Variants in NRF1 observed in about 807,000 individuals in gnomAD.
NRF1 encodes nuclear respiratory factor 1.
NRF1 carries 5 observed loss-of-function variants against 58.5 expected under a neutral mutation model. The observed-to-expected ratio is 0.09, with a 90% CI of 0.04 to 0.18. The LOEUF (loss-of-function observed/expected upper bound fraction) is 0.18, where lower values mean the gene tolerates loss of function less well. NRF1 is among the 10% of genes least tolerant of loss of function. The pLI is 1.00. For missense variants in NRF1, 288 were observed against 657.7 expected, an observed-to-expected ratio of 0.44 and a Z score of 6.15; for synonymous variants, 224 against 246.7, an observed-to-expected ratio of 0.91 and a Z score of 0.86.
Position 129,634,041 on chromosome 7 carries a change from A to AAT in NRF1, c.-7+22218_-7+22219insTA, listed in dbSNP as rs1163693215. On this transcript the variant is annotated intron_variant, in intron 1 of 10. Transcript: ENST00000393232. ...TTACATCTGTATTTAAAAAAAAAAA[A>AAT]AGATATATATATATATATATACACA... Among the ~76,000 whole-genome samples, 248 of 113,776 alleles carry AAT rather than the reference A, an allele frequency of 2.2e-3. 1 individual carries two copies. Among genetic ancestry groups the AAT allele is most frequent in the African/African-American group, 6.4e-3 (170 of 26,576 alleles). The allele number at this position is 113,776 out of a possible 152,430, so 74.6% of individuals were successfully genotyped here. A position where few individuals can be genotyped will look rare whatever the true frequency, so the allele number is the denominator to read the frequency against.
At chr7:129,697,729 TTTTTTG>T (rs112573096) in intron 5 of NRF1, among the ~76,000 whole-genome samples, 14 of 150,350 alleles carry the variant, frequency 9.3e-5, no homozygotes, top group Admixed American at 3.3e-4. Flanking sequence ...AACATTTACT[TTTTTTG>T]TTTTTGTTTT....
intron 10 of NRF1, among the ~76,000 whole-genome samples, chr7:129,729,521 T>A (rs1322914425): frequency 6.6e-6 from 1 of 152,252 alleles, no homozygotes; most frequent in Non-Finnish European, 1.5e-5. Flanking sequence ...TATCTCTTTC[T>A]GAATGCAGCA....
At chr7:129,681,767 C>T (rs1210532560) in intron 4 of NRF1, among the ~76,000 whole-genome samples, 3 of 151,904 alleles carry the variant, frequency 2.0e-5, no homozygotes, top group African/African-American at 7.3e-5. Context: ...TTATCATGAA[C>T]CTTTATATTC....
intron 4 of NRF1, among the ~76,000 whole-genome samples, chr7:129,687,476 A>G (rs1802467634): frequency 6.6e-6 from 1 of 152,054 alleles, no homozygotes; most frequent in African/African-American, 2.4e-5. Flanking sequence ...GGGTTTCACC[A>G]TGTTGGTCAG....
intron 5 of NRF1, among the ~76,000 whole-genome samples, chr7:129,702,130 A>G (rs1389314107): frequency 2.0e-5 from 3 of 152,184 alleles, no homozygotes; most frequent in African/African-American, 4.8e-5. Context: ...ATACATGGCA[A>G]AGAGGACTTT....
At chr7:129,754,851 T>G (rs781051956) in intron 10 of NRF1, among the ~76,000 whole-genome samples, 167 bp from the exon 11 acceptor site, 1 of 152,054 alleles carries the variant, frequency 6.6e-6, no homozygotes, top group Non-Finnish European at 1.5e-5. Flanking sequence ...TGAAAAAAAT[T>G]TTAATGGGGT....
At chr7:129,661,321 T>C (rs1282821600) in intron 2 of NRF1, among the ~76,000 whole-genome samples, 3 of 151,410 alleles carry the variant, frequency 2.0e-5, no homozygotes, top group Non-Finnish European at 4.4e-5. Flanking sequence ...TTGTTGCTTA[T>C]GCAAATTTCT....
intron 8 of NRF1, among the ~76,000 whole-genome samples, chr7:129,712,265 C>T (rs970944239): frequency 7.2e-5 from 11 of 152,150 alleles, no homozygotes; most frequent in African/African-American, 2.4e-4. Flanking sequence ...GGCTCTGAGC[C>T]ATTGGTGAAG....
At chr7:129,619,449 T>G (rs555528823) in intron 1 of NRF1, among the ~76,000 whole-genome samples, 1 of 80,944 alleles carries the variant, frequency 1.2e-5, no homozygotes, top group Non-Finnish European at 2.1e-5. Flanking sequence ...CACACACACA[T>G]ATATATACAC....
intron 5 of NRF1, 59 bp downstream of exon 5, chr7:129,690,605 C>G: frequency 6.3e-7 from 1 of 1,579,366 alleles, no homozygotes; most frequent in Admixed American, 1.7e-5. Context: ...GTGGGCGGGC[C>G]TCTGATCACT....
intron 1 of NRF1, among the ~76,000 whole-genome samples, chr7:129,614,366 T>C (rs1800612663): frequency 6.6e-6 from 1 of 152,034 alleles, no homozygotes; most frequent in South Asian, 2.1e-4. Context: ...TCTGCTGGGC[T>C]TGGCCTCCGA....
intron 1 of NRF1, among the ~76,000 whole-genome samples, chr7:129,622,409 TTCTAAG>T (rs1430327758): frequency 2.0e-5 from 3 of 152,174 alleles, no homozygotes; most frequent in African/African-American, 7.2e-5. Flanking sequence ...CCAAAATCGA[TTCTAAG>T]TCTGTGTTAC....
chr7:129,681,180 C>G (rs1427587493), intron 4 of NRF1, among the ~76,000 whole-genome samples: 1 of 152,152 alleles, frequency 6.6e-6, no homozygotes, highest in Non-Finnish European at 1.5e-5. Flanking sequence ...GGGTCCGGAG[C>G]CAGTGATACA....
At chr7:129,646,829 C>G (rs1239050739) in intron 1 of NRF1, among the ~76,000 whole-genome samples, 1 of 152,128 alleles carries the variant, frequency 6.6e-6, no homozygotes, top group Non-Finnish European at 1.5e-5. Flanking sequence ...GAAGACAGGG[C>G]TTGGAAGTGA....
At chr7:129,664,455 A>G (rs1020685551) in intron 2 of NRF1, among the ~76,000 whole-genome samples, 1 of 152,256 alleles carries the variant, frequency 6.6e-6, no homozygotes, top group African/African-American at 2.4e-5. Context: ...GACAGATTCA[A>G]TGAACAACAA....
intron 10 of NRF1, among the ~76,000 whole-genome samples, chr7:129,731,283 A>G (rs1308750028): frequency 6.6e-6 from 1 of 151,980 alleles, no homozygotes; most frequent in East Asian, 1.9e-4. Context: ...AAAAAAAAAA[A>G]AAAAAGGTAA....
At chr7:129,655,142 G>T (rs1317924682) in intron 1 of NRF1, among the ~76,000 whole-genome samples, 1 of 151,362 alleles carries the variant, frequency 6.6e-6, no homozygotes, top group Non-Finnish European at 1.5e-5. Flanking sequence ...AGAGTTTTGT[G>T]TTTTTTTTCA....
chr7:129,646,297 C>T (rs914282172), intron 1 of NRF1, among the ~76,000 whole-genome samples: 3 of 152,064 alleles, frequency 2.0e-5, no homozygotes, highest in Non-Finnish European at 2.9e-5. Flanking sequence ...ATGAGAATCC[C>T]GGATTGCTGC....
At chr7:129,662,887 G>A (rs1443289803) in intron 2 of NRF1, among the ~76,000 whole-genome samples, 1 of 152,180 alleles carries the variant, frequency 6.6e-6, no homozygotes, top group Non-Finnish European at 1.5e-5. Flanking sequence ...GGTTTTCCTA[G>A]GCAGAGGTCC....
Sources: gnomAD v4.1 joint callset for allele counts (sites outside exome capture counted in the v4.1 genomes callset) on GRCh38, gnomAD v4.1.1 for gene constraint, MANE v1.5 for transcripts, NCBI Gene and HGNC (gene_info 2026-07-23, HGNC 2026-07-21) for gene names.